IQSEC2: variants seen among roughly 807,000 people sequenced by gnomAD.
IQSEC2 encodes the protein IQ motif and SEC7 domain-containing protein 2.
IQSEC2 carries 6 observed loss-of-function variants against 74.6 expected under a neutral mutation model. The observed-to-expected ratio is 0.08, with a 90% CI of 0.04 to 0.16. The LOEUF (loss-of-function observed/expected upper bound fraction) is 0.16, where lower values mean the gene tolerates loss of function less well. Among genes scored for constraint, IQSEC2 ranks in the 10% least tolerant of loss-of-function variants. The pLI is 1.00. For missense variants in IQSEC2, 734 were observed against 1,306.2 expected, an observed-to-expected ratio of 0.56 and a Z score of 6.75; for synonymous variants, 494 against 544.5, an observed-to-expected ratio of 0.91 and a Z score of 1.29.
chrX:53,245,449 C>T (rs200401550), intron 8 of IQSEC2, among the ~76,000 whole-genome samples: 1 of 87,060 alleles, frequency 1.1e-5, no homozygotes, highest in Non-Finnish European at 2.4e-5. Flanking sequence ...AAAAAAAAAA[C>T]AAATAAAATA....
At chrX:53,248,318 C>T (rs1003540949) in intron 6 of IQSEC2, 82 bp from the exon 7 acceptor site, 2 of 1,096,958 alleles carry the variant, frequency 1.8e-6, no homozygotes, top group South Asian at 1.9e-5. Context: ...TCAAATGGAC[C>T]AACACCCCCA....
At position 53,237,968 on chromosome X, in the gene IQSEC2, G is replaced by A. The variant is rs1374943696; in HGVS notation, c.3277+177C>T. The A allele has an allele frequency of 9.7e-6, 5 of 514,504 alleles. No homozygotes were observed. In the East Asian group the frequency reaches 1.8e-4, roughly 19 times the overall value. 42.4% of individuals were successfully genotyped at this position (514,504 alleles called of 1,213,427 possible). On this transcript the variant is annotated intron_variant, in intron 12 of 14. Coordinates refer to ENST00000642864, the MANE Select transcript of IQSEC2 (RefSeq NM_001111125.3). ...TTCAGGATAATAATGGGGTTGGGAG[G>A]TAATGAGCCCCTTGTCACTGAAGGT...
At chrX:53,262,351 A>T (rs1383061093) in intron 2 of IQSEC2, among the ~76,000 whole-genome samples, 1 of 111,662 alleles carries the variant, frequency 9.0e-6, no homozygotes, top group African/African-American at 3.3e-5. Context: ...CCAGCAGGGG[A>T]TGGGATCAGG....
intron 2 of IQSEC2, among the ~76,000 whole-genome samples, chrX:53,278,246 G>A (rs1415977794): frequency 2.7e-5 from 3 of 110,047 alleles, no homozygotes; most frequent in South Asian, 3.9e-4. Flanking sequence ...TCCTGACCTC[G>A]TGATCTGCCT....
At chrX:53,289,157 G>A (rs1318711850) in intron 2 of IQSEC2, among the ~76,000 whole-genome samples, 3 of 69,691 alleles carry the variant, frequency 4.3e-5, no homozygotes, top group African/African-American at 1.2e-4. Context: ...CACCTCCCTA[G>A]CCCTTCCCCC....
chrX:53,259,740 C>T (rs2074540235), intron 2 of IQSEC2, among the ~76,000 whole-genome samples: 3 of 110,843 alleles, frequency 2.7e-5, no homozygotes, highest in South Asian at 3.9e-4. Flanking sequence ...GTCAAGGCTG[C>T]GGTAAGCCGT....
At chrX:53,298,408 T>C (rs1325899488) in intron 1 of IQSEC2, among the ~76,000 whole-genome samples, 2 of 111,822 alleles carry the variant, frequency 1.8e-5, no homozygotes, top group African/African-American at 3.2e-5. Flanking sequence ...TCCCTCAGAA[T>C]ATTGAGAACA....
At chrX:53,228,045 T>C (rs902337712), downstream of IQSEC2, among the ~76,000 whole-genome samples, 1 of 111,750 alleles carries the variant, frequency 8.9e-6, no homozygotes, top group African/African-American at 3.3e-5. Flanking sequence ...CCCACTGAGA[T>C]CTGCCAAGTA....
At chrX:53,255,735 C>G in intron 3 of IQSEC2, 65 bp downstream of exon 3, 1 of 1,181,216 alleles carries the variant, frequency 8.5e-7, no homozygotes, top group Non-Finnish European at 1.1e-6. Flanking sequence ...AGCCACATCC[C>G]AAACCCTCCC....
chrX:53,249,030 G>A (rs2074347655), intron 5 of IQSEC2, 148 bp from the exon 6 acceptor site: 2 of 554,231 alleles, frequency 3.6e-6, no homozygotes, highest in South Asian at 5.9e-5. Context: ...TCCCATCATG[G>A]CACAAGTGAG....
chrX:53,297,057 G>C (rs1215069417), intron 1 of IQSEC2, among the ~76,000 whole-genome samples: 1 of 108,547 alleles, frequency 9.2e-6, no homozygotes, highest in Non-Finnish European at 1.9e-5. Context: ...ATGGAGTGCG[G>C]TGGCACAATC....
chrX:53,267,308 C>T (rs1273481051), intron 2 of IQSEC2, among the ~76,000 whole-genome samples: 1 of 111,928 alleles, frequency 8.9e-6, no homozygotes, highest in Non-Finnish European at 1.9e-5. Context: ...TCACCCTCAG[C>T]GTATATCAAC....
In IQSEC2 at chrX:53,233,699, G is replaced by A. The variant is rs962262813; in HGVS notation, c.*520C>T. 5.2e-5 allele frequency: 15 copies of A among 289,489 alleles called. No individual in the cohort carries two copies. In the East Asian group the frequency reaches 6.8e-4, roughly 13 times the overall value. 23.9% of individuals were successfully genotyped at this position (289,489 alleles called of 1,213,427 possible). On this transcript the variant is annotated 3_prime_UTR_variant, in exon 15 of 15. Transcript: ENST00000642864. ...CCAGCAGGCAAAAAGACACATGGAA[G>A]TGTGTGGCCAGGCCCTGAGGTCAGA...
downstream of IQSEC2, among the ~76,000 whole-genome samples, chrX:53,232,402 C>T (rs1188898702): frequency 8.9e-6 from 1 of 111,910 alleles, no homozygotes; most frequent in Admixed American, 9.5e-5. Context: ...CAGGCCAGGC[C>T]AGCCACATCC....
At chrX:53,228,925 C>T (rs1205030043), downstream of IQSEC2, 2 of 112,076 alleles carry the variant, frequency 1.8e-5, no homozygotes, top group Non-Finnish European at 3.8e-5. Context: ...AATGTTAATT[C>T]AAAATGAATT....
intron 2 of IQSEC2, 37 bp from the exon 3 acceptor site, chrX:53,256,098 A>G (rs1556865218): frequency 8.8e-7 from 1 of 1,134,674 alleles, no homozygotes; most frequent in South Asian, 2.2e-5. Context: ...GGATGTGGGG[A>G]CAGGACAGGG....
chrX:53,279,521 T>C, intron 2 of IQSEC2: 1 of 849,081 alleles, frequency 1.2e-6, no homozygotes, highest in Non-Finnish European at 1.8e-6. Flanking sequence ...TATATTTGTC[T>C]GGAAGGAGGA....
chrX:53,310,564 G>A (rs970995268), intron 1 of IQSEC2, among the ~76,000 whole-genome samples: 2 of 111,234 alleles, frequency 1.8e-5, no homozygotes, highest in African/African-American at 3.3e-5. Context: ...TCCAAAGCTC[G>A]TTCTTTATGT....
chrX:53,320,181 G>C (rs1328428579), intron 1 of IQSEC2, among the ~76,000 whole-genome samples: 1 of 111,483 alleles, frequency 9.0e-6, no homozygotes, highest in Non-Finnish European at 1.9e-5. Context: ...GACTGCTCTA[G>C]TCCCTCGCTG....
Sources: gnomAD v4.1 joint callset for allele counts (sites outside exome capture counted in the v4.1 genomes callset) on GRCh38, gnomAD v4.1.1 for gene constraint, MANE v1.5 for transcripts, NCBI Gene and HGNC (gene_info 2026-07-23, HGNC 2026-07-21) for gene names.